RCBTB2: variants seen among roughly 807,000 people sequenced by gnomAD.
RCBTB2 encodes RCC1 and BTB domain containing protein 2.
A neutral mutation model predicts 65.4 loss-of-function variants in RCBTB2; 55 were observed. That is an observed-to-expected ratio of 0.84 (90% CI 0.68 to 1.05). The LOEUF (loss-of-function observed/expected upper bound fraction) is 1.05, where lower values mean the gene tolerates loss of function less well. Among genes scored for constraint, RCBTB2 ranks in the 50% least tolerant of loss-of-function variants. The pLI is 0.00. For missense variants in RCBTB2, 599 were observed against 680.1 expected (o/e 0.88, Z 1.33); for synonymous variants, 220 against 255.2 (o/e 0.86, Z 1.31).
At chr13:48,530,085 GAC>G (rs1952024431) in intron 1 of RCBTB2, among the ~76,000 whole-genome samples, 1 of 151,748 alleles carries the variant, frequency 6.6e-6, no homozygotes, top group African/African-American at 2.4e-5. Context: ...TTTCTGTAGA[GAC>G]AGAGTTTTGC....
At chr13:48,505,814 T>C (rs1950474064) in intron 10 of RCBTB2, among the ~76,000 whole-genome samples, 1 of 152,120 alleles carries the variant, frequency 6.6e-6, no homozygotes, top group Non-Finnish European at 1.5e-5. Context: ...TCTCACGGTT[T>C]GTGGTTTTGT....
At chr13:48,534,591 C>A (rs1952332170), upstream of RCBTB2, among the ~76,000 whole-genome samples, 1 of 152,164 alleles carries the variant, frequency 6.6e-6, no homozygotes, top group African/African-American at 2.4e-5. Context: ...AAAAACATGT[C>A]TTAGTGTTTT....
chr13:48,504,988 G>A (rs991579966), intron 10 of RCBTB2, among the ~76,000 whole-genome samples: 1 of 151,860 alleles, frequency 6.6e-6, no homozygotes, highest in Non-Finnish European at 1.5e-5. Context: ...AAAAGGCTAC[G>A]ATGGCCCACA....
At chr13:48,514,364 C>A (rs1292719075) in intron 6 of RCBTB2, among the ~76,000 whole-genome samples, 1 of 152,186 alleles carries the variant, frequency 6.6e-6, no homozygotes, top group Non-Finnish European at 1.5e-5. Context: ...CAGAATGGCA[C>A]ACAATTTAAA....
At chr13:48,504,030 A>G (rs988147184) in intron 10 of RCBTB2, among the ~76,000 whole-genome samples, 4 of 152,184 alleles carry the variant, frequency 2.6e-5, no homozygotes, top group African/African-American at 7.2e-5. Flanking sequence ...TTAGGCTCAG[A>G]ACTTCAGGGT....
intron 4 of RCBTB2, among the ~76,000 whole-genome samples, chr13:48,517,167 T>C (rs556322398): frequency 7.2e-5 from 11 of 152,322 alleles, no homozygotes; most frequent in African/African-American, 2.6e-4. Flanking sequence ...CCTGTCCTCA[T>C]TACCATGAAT....
rs760923556 is a variant in RCBTB2 at position 48,499,758 on chromosome 13, C to T, written c.1247G>A (p.Cys416Tyr). The change falls in exon 13 of 15, where the codon TGT becomes TAT. Residue 416 changes from cysteine (C) to tyrosine (Y), a missense_variant and splice_region_variant. Cys to Tyr is a radical substitution (Grantham distance 194). Transcript: ENST00000344532. ...TTCCAATGACGAACGAAAATGCTCA[C>T]ATCTGAAGGAAAAAAGCAGTATGTC... is the stretch of plus-strand genomic sequence containing the variant. ...YAHKVLLKIRCEHFRSSLEDN... is the reference protein window; with the variant it reads ...YAHKVLLKIRYEHFRSSLEDN... 1.7e-5 allele frequency: 28 copies of T among 1,613,952 alleles called. No homozygotes were observed. Among genetic ancestry groups the T allele is most frequent in the African/African-American group, 2.7e-5 (2 of 74,920 alleles).
At chr13:48,511,968 G>C (rs1333899389) in intron 8 of RCBTB2, 48 bp downstream of exon 8, 1 of 1,607,538 alleles carries the variant, frequency 6.2e-7, no homozygotes, top group Admixed American at 1.7e-5. Context: ...GCATGAGACT[G>C]ATGTGGCAAA....
In RCBTB2 at chr13:48,493,325, T is replaced by TCTCCACACACACACACACACACACACACA. The variant is rs1566254905; in HGVS notation, c.1515+2865_1515+2866insTGTGTGTGTGTGTGTGTGTGTGTGTGGAG. On this transcript the variant is annotated intron_variant, in intron 14 of 14. Transcript: ENST00000344532. ...CACACACACACACACACTCTCTCTC[T>TCTCCACACACACACACACACACACACACA]CTCTCTCTCTCTCTCTTCTCTTCTC... is the stretch of plus-strand genomic sequence containing the variant. 4.1e-3 allele frequency among the ~76,000 whole-genome samples: 508 copies of TCTCCACACACACACACACACACACACACA among 125,102 alleles called. 1 individual carries two copies. The highest frequency in any genetic ancestry group is 5.7e-3 in the Non-Finnish European group (366 of 63,688). The allele number at this position is 125,102 out of a possible 152,430, so 82.1% of individuals were successfully genotyped here.
At chr13:48,508,760 T>C (rs1950630933) in intron 10 of RCBTB2, among the ~76,000 whole-genome samples, 1 of 152,150 alleles carries the variant, frequency 6.6e-6, no homozygotes, top group Non-Finnish European at 1.5e-5. Flanking sequence ...AAGACAGAAA[T>C]GCAATAGATA....
chr13:48,517,521 C>T (rs895838390), intron 4 of RCBTB2, among the ~76,000 whole-genome samples: 7 of 152,156 alleles, frequency 4.6e-5, no homozygotes, highest in Admixed American at 1.3e-4. Flanking sequence ...CTTCTGATCA[C>T]GGCCAACAGT....
intron 4 of RCBTB2, among the ~76,000 whole-genome samples, chr13:48,518,495 A>T (rs986365731): frequency 7.0e-6 from 1 of 141,854 alleles, no homozygotes; most frequent in Non-Finnish European, 1.5e-5. Context: ...ATATATATAT[A>T]TTTACCTCTT....
chr13:48,500,549 C>A (rs1950188459), intron 12 of RCBTB2, among the ~76,000 whole-genome samples: 1 of 152,118 alleles, frequency 6.6e-6, no homozygotes, highest in Non-Finnish European at 1.5e-5. Flanking sequence ...TAGAGAAAGA[C>A]TCTGCCATCT....
chr13:48,526,289 T>C (rs1951728180), intron 1 of RCBTB2, among the ~76,000 whole-genome samples: 1 of 152,212 alleles, frequency 6.6e-6, no homozygotes, highest in Non-Finnish European at 1.5e-5. Flanking sequence ...GGCTCACACC[T>C]GTAATCCCAG....
upstream of RCBTB2, among the ~76,000 whole-genome samples, chr13:48,534,146 G>C (rs1034062431): frequency 6.6e-6 from 1 of 152,194 alleles, no homozygotes; most frequent in Non-Finnish European, 1.5e-5. Context: ...GGTATTTCTT[G>C]TAGAGCTCTA....
intron 4 of RCBTB2, 56 bp from the exon 5 acceptor site, chr13:48,515,797 C>T: frequency 2.6e-6 from 4 of 1,534,156 alleles, no homozygotes; most frequent in South Asian, 1.2e-5. Context: ...ATTTTCTCTG[C>T]CCCTTCAGTT....
At chr13:48,508,971 G>A (rs1312853094) in intron 10 of RCBTB2, among the ~76,000 whole-genome samples, 4 of 152,126 alleles carry the variant, frequency 2.6e-5, no homozygotes, top group Non-Finnish European at 4.4e-5. Context: ...GGGCAATGAC[G>A]GCAGATTCTG....
intron 4 of RCBTB2, among the ~76,000 whole-genome samples, chr13:48,516,104 GAGA>G (rs1951074051): frequency 6.6e-6 from 1 of 151,982 alleles, no homozygotes; most frequent in Non-Finnish European, 1.5e-5. Flanking sequence ...GACAGAGAGA[GAGA>G]GAGAGAGAGA....
chr13:48,532,683 C>T (rs764780825), intron 1 of RCBTB2: 12 of 263,952 alleles, frequency 4.5e-5, no homozygotes, highest in South Asian at 1.5e-4. Context: ...GCATGCGCAG[C>T]GCAGCCTGGG....
Sources: gnomAD v4.1 joint callset for allele counts (sites outside exome capture counted in the v4.1 genomes callset) on GRCh38, gnomAD v4.1.1 for gene constraint, MANE v1.5 for transcripts, NCBI Gene and HGNC (gene_info 2026-07-23, HGNC 2026-07-21) for gene names.